The following CLASP2 variants were observed in gnomAD, a reference collection of about 807,000 sequenced individuals.
CLASP2 encodes the protein CLIP-associating protein 2.
A neutral mutation model predicts 194.4 loss-of-function variants in CLASP2; 47 were observed. That is an observed-to-expected ratio of 0.24 (90% confidence interval 0.19 to 0.31). The LOEUF is 0.31. Ranked by LOEUF, CLASP2 falls within the 10% of genes least tolerant of loss-of-function variation. CLASP2 has a pLI of 1.00. For missense variants in CLASP2, 1,445 were observed against 1,823.6 expected, an observed-to-expected ratio of 0.79 and a Z score of 3.78; for synonymous variants, 619 against 633.5, an observed-to-expected ratio of 0.98 and a Z score of 0.34.
At chr3:33,685,640 G>T (rs1273469288) in intron 5 of CLASP2, among the ~76,000 whole-genome samples, 14 of 152,104 alleles carry the variant, frequency 9.2e-5, no homozygotes. Flanking sequence ...AGAAGGGAAG[G>T]AAATTCTGAT....
At chr3:33,565,345 A>AT (rs2062517749) in intron 27 of CLASP2, among the ~76,000 whole-genome samples, 1 of 151,736 alleles carries the variant, frequency 6.6e-6, no homozygotes. Flanking sequence ...CACTCGGCTA[A>AT]TTTTTTTGTA....
intron 25 of CLASP2, 86 bp downstream of exon 25, chr3:33,573,024 C>A: frequency 6.8e-7 from 1 of 1,464,558 alleles, no homozygotes; most frequent in Admixed American, 1.9e-5. Context: ...GTTTCTACAC[C>A]AGTATCTCTA....
At chr3:33,708,420 T>C (rs1218978627) in intron 1 of CLASP2, among the ~76,000 whole-genome samples, 2 of 150,586 alleles carry the variant, frequency 1.3e-5, no homozygotes, top group South Asian at 2.1e-4. Flanking sequence ...TTCCTTCTTT[T>C]TTAAGGCTGA....
intron 1 of CLASP2, among the ~76,000 whole-genome samples, chr3:33,703,514 A>G (rs897301330): frequency 2.0e-5 from 3 of 152,212 alleles, no homozygotes; most frequent in Non-Finnish European, 4.4e-5. Context: ...AATGCAAAAC[A>G]GTACAGTTAT....
At chr3:33,606,104 G>A (rs532578691) in intron 16 of CLASP2, among the ~76,000 whole-genome samples, 4 of 152,104 alleles carry the variant, frequency 2.6e-5, no homozygotes, top group South Asian at 2.1e-4. Context: ...TGAGGTAGCC[G>A]TCATCAAGAT....
At chr3:33,602,401 C>A in intron 18 of CLASP2, 2 of 647,230 alleles carry the variant, frequency 3.1e-6, no homozygotes, top group Admixed American at 2.4e-5. Context: ...AGTGTTCCAG[C>A]AGTACTACCC....
chr3:33,641,216 A>C (rs941168077), intron 8 of CLASP2, among the ~76,000 whole-genome samples: 8 of 151,988 alleles, frequency 5.3e-5, no homozygotes, highest in African/African-American at 7.2e-5. Flanking sequence ...TTGTATTAAA[A>C]ATTGTTACCT....
chr3:33,556,888 A>G (rs932780592), intron 29 of CLASP2, among the ~76,000 whole-genome samples: 3 of 152,152 alleles, frequency 2.0e-5, no homozygotes, highest in East Asian at 3.8e-4. Flanking sequence ...TAATTTGTGC[A>G]TATCTCATTT....
intron 34 of CLASP2, among the ~76,000 whole-genome samples, chr3:33,526,702 T>C (rs369799536): frequency 3.7e-4 from 57 of 152,302 alleles, no homozygotes; most frequent in African/African-American, 1.4e-3. Context: ...ACATGGCACA[T>C]ACTCTAAAAT....
intron 32 of CLASP2, among the ~76,000 whole-genome samples, chr3:33,539,918 A>AT (rs59070086): frequency 1.5e-5 from 2 of 135,212 alleles, no homozygotes; most frequent in Non-Finnish European, 3.2e-5. Flanking sequence ...ACTGAATATA[A>AT]TTTTTTTTTT....
Position 33,688,371 on chromosome 3 carries a change from A to G in CLASP2, c.379-3T>C. 1 of 1,561,522 alleles carries G rather than the reference A, an allele frequency of 6.4e-7. No homozygotes were observed. ...GAAGCCAACTGCTCCCAAATGTACT[A>G]TTTGAAAGAAAAGTAAAAACGTATA... On this transcript the variant is annotated splice_region_variant and splice_polypyrimidine_tract_variant and intron_variant, in intron 3 of 38. Transcript: ENST00000682230.
intron 7 of CLASP2, chr3:33,658,986 C>G: frequency 6.5e-7 from 1 of 1,535,892 alleles, no homozygotes; most frequent in East Asian, 2.4e-5. Flanking sequence ...TCTCCCATAG[C>G]CATTAGATGG....
intron 1 of CLASP2, among the ~76,000 whole-genome samples, chr3:33,708,169 T>A (rs2092784115): frequency 6.6e-6 from 1 of 152,006 alleles, no homozygotes; most frequent in Non-Finnish European, 1.5e-5. Context: ...CAGAACTTAC[T>A]CATCGTATAA....
chr3:33,685,808 G>A (rs1195867696), intron 5 of CLASP2, among the ~76,000 whole-genome samples: 1 of 151,862 alleles, frequency 6.6e-6, no homozygotes, highest in Admixed American at 6.6e-5. Flanking sequence ...CAGCTGGGGA[G>A]GGGGAGGGGG....
At position 33,584,924 on chromosome 3, in the gene CLASP2, A is replaced by G; in HGVS notation, c.2069-4T>C. 1 of 1,606,014 alleles carries G rather than the reference A, an allele frequency of 6.2e-7. No individual in the cohort carries two copies. The highest frequency in any genetic ancestry group is 1.1e-5 in the South Asian group (1 of 89,306). On this transcript the variant is annotated splice_polypyrimidine_tract_variant and splice_region_variant and intron_variant, in intron 21 of 38. Transcript: ENST00000682230. ...GGAGACCCAGACCGGCTACCAGCTG[A>G]ACACCAAACACATATACAAATGTTA...
intron 6 of CLASP2, among the ~76,000 whole-genome samples, chr3:33,665,990 C>T (rs2086108717): frequency 6.6e-6 from 1 of 152,086 alleles, no homozygotes; most frequent in Non-Finnish European, 1.5e-5. Flanking sequence ...GCCCACAAAG[C>T]TCTAGGAAGG....
intron 2 of CLASP2, among the ~76,000 whole-genome samples, chr3:33,695,263 A>C: frequency 8.2e-6 from 1 of 121,764 alleles, no homozygotes; most frequent in East Asian, 2.3e-4. Flanking sequence ...GTCTCACTCT[A>C]TTGCCCAGGC....
intron 10 of CLASP2, among the ~76,000 whole-genome samples, chr3:33,625,497 G>C (rs1446334963): frequency 1.3e-5 from 2 of 148,194 alleles, no homozygotes; most frequent in Non-Finnish European, 1.5e-5. Context: ...TACTGAATGA[G>C]CACCATTTGT....
chr3:33,577,581 T>C (rs1271519613), intron 23 of CLASP2, among the ~76,000 whole-genome samples: 1 of 152,066 alleles, frequency 6.6e-6, no homozygotes, highest in Non-Finnish European at 1.5e-5. Context: ...CTATGGTAAC[T>C]AGTAACTAAT....
Sources: gnomAD v4.1 joint callset for allele counts (sites outside exome capture counted in the v4.1 genomes callset) on GRCh38, gnomAD v4.1.1 for gene constraint, MANE v1.5 for transcripts, NCBI Gene and HGNC (gene_info 2026-07-23, HGNC 2026-07-21) for gene names.